Variants in RERE observed in about 807,000 individuals in gnomAD.
RERE encodes the protein arginine-glutamic acid dipeptide repeats, also known as arginine-glutamic acid dipeptide repeats protein.
Under a neutral mutation model 146.1 loss-of-function variants are expected in RERE, and 40 were observed. The observed-to-expected ratio is 0.27, with a 90% CI of 0.21 to 0.36. The LOEUF (loss-of-function observed/expected upper bound fraction) is 0.36, where lower values mean the gene tolerates loss of function less well. Among genes scored for constraint, RERE ranks in the 10% least tolerant of loss-of-function variants. The probability of loss-of-function intolerance (pLI) is 1.00; values close to 1 mark genes in which losing one functional copy is unlikely to be tolerated. For missense variants in RERE, 1,933 were observed against 2,138.7 expected, an observed-to-expected ratio of 0.90 and a Z score of 1.90; for synonymous variants, 1,003 against 866.0, an observed-to-expected ratio of 1.16 and a Z score of -2.78.
chr1:8,555,213 T>C (rs1645993251), intron 6 of RERE, among the ~76,000 whole-genome samples: 1 of 152,164 alleles, frequency 6.6e-6, no homozygotes, highest in Non-Finnish European at 1.5e-5. Flanking sequence ...TTTAAATGGC[T>C]GAAAAAGAAA....
At chr1:8,429,075 G>A (rs970196162) in intron 11 of RERE, among the ~76,000 whole-genome samples, 1 of 152,146 alleles carries the variant, frequency 6.6e-6, no homozygotes. Flanking sequence ...CACCACCCTA[G>A]AACAATAAAA....
intron 2 of RERE, among the ~76,000 whole-genome samples, chr1:8,629,089 A>G (rs899185541): frequency 2.0e-5 from 3 of 152,250 alleles, no homozygotes; most frequent in East Asian, 3.8e-4. Context: ...GCAAGTATAT[A>G]TATTTTTTAA....
chr1:8,669,771 C>T (rs1638672388), intron 1 of RERE, among the ~76,000 whole-genome samples: 1 of 152,122 alleles, frequency 6.6e-6, no homozygotes, highest in South Asian at 2.1e-4. Context: ...TTAAGTTGGA[C>T]AGGGTTTCTT....
In RERE at chr1:8,356,064, A is replaced by C. The variant is rs902086086; in HGVS notation, c.4486+36T>G. The C allele has an allele frequency of 2.7e-6, 4 of 1,461,580 alleles. No individual in the cohort carries two copies. The highest frequency in any genetic ancestry group is 2.7e-6 in the Non-Finnish European group (3 of 1,109,588). 90.5% of individuals were successfully genotyped at this position (1,461,580 alleles called of 1,614,324 possible). A position where few individuals can be genotyped will look rare whatever the true frequency, so the allele number is the denominator to read the frequency against. On this transcript the variant is annotated intron_variant, in intron 21 of 22. Transcript: ENST00000400908. The surrounding 1 kb of genome is among the most constrained non-coding windows in gnomAD (Gnocchi z 5.2). Reference sequence around the variant, plus strand: ...GACCAGACCCCAACCCAACCCTCACACGGCCTCCCCGCCCCTCCTGGAGGG... The same window carrying C: ...GACCAGACCCCAACCCAACCCTCACCCGGCCTCCCCGCCCCTCCTGGAGGG...
chr1:8,580,163 G>A (rs949391871), intron 4 of RERE, among the ~76,000 whole-genome samples: 6 of 152,172 alleles, frequency 3.9e-5, no homozygotes, highest in African/African-American at 1.2e-4. Flanking sequence ...CCCATCATGT[G>A]AGCCTATGTA....
At chr1:8,710,241 A>G (rs1639639211) in intron 1 of RERE, among the ~76,000 whole-genome samples, 1 of 152,214 alleles carries the variant, frequency 6.6e-6, no homozygotes, top group African/African-American at 2.4e-5. Context: ...CCAAATCAAA[A>G]TGTTCTTCCC....
chr1:8,801,253 C>T (rs140156928), intron 1 of RERE, among the ~76,000 whole-genome samples: 6 of 144,608 alleles, frequency 4.1e-5, no homozygotes, highest in Non-Finnish European at 9.0e-5. Flanking sequence ...AAACAAGACC[C>T]TGTCTCAAAA....
At chr1:8,584,445 T>C (rs886183369) in intron 4 of RERE, among the ~76,000 whole-genome samples, 1 of 151,714 alleles carries the variant, frequency 6.6e-6, no homozygotes, top group Admixed American at 6.6e-5. Context: ...TACTAGGGAG[T>C]ATGAGGCAGG....
In RERE at chr1:8,400,222, A is replaced by ATATGTGTG. The variant is rs368219880; in HGVS notation, c.1284+22504_1284+22505insCACACATA. 3.5e-3 allele frequency among the ~76,000 whole-genome samples: 489 copies of ATATGTGTG among 140,144 alleles called. 3 individuals carry two copies. Among genetic ancestry groups the ATATGTGTG allele is most frequent in the African/African-American group, 6.0e-3 (229 of 38,130 alleles). The allele number at this position is 140,144 out of a possible 152,430, so 91.9% of individuals were successfully genotyped here. A position where few individuals can be genotyped will look rare whatever the true frequency, so the allele number is the denominator to read the frequency against. On this transcript the variant is annotated intron_variant, in intron 12 of 22. Transcript: ENST00000400908. ...CTCTTCCTTTCCATTCCTGTGTCAT[A>ATATGTGTG]TGTGTGTGTGTGTGTGTGTGTGTGT... is the stretch of plus-strand genomic sequence containing the variant.
intron 4 of RERE, among the ~76,000 whole-genome samples, chr1:8,571,274 T>C (rs1468055592): frequency 6.6e-6 from 1 of 152,230 alleles, no homozygotes; most frequent in Non-Finnish European, 1.5e-5. Context: ...TCTTTTATAA[T>C]GACTAATATA....
chr1:8,507,556 A>ACAC (rs890947241), intron 8 of RERE, among the ~76,000 whole-genome samples: 6 of 149,946 alleles, frequency 4.0e-5, no homozygotes, highest in Admixed American at 2.0e-4. Context: ...TTACATGCGC[A>ACAC]CACCACCATG....
At chr1:8,806,522 A>T (rs563496457) in intron 1 of RERE, among the ~76,000 whole-genome samples, 7 of 152,000 alleles carry the variant, frequency 4.6e-5, no homozygotes, top group Middle Eastern at 6.8e-3. Flanking sequence ...CCATCTCAAA[A>T]AATAATAATA....
At chr1:8,490,807 T>C (rs2124217531) in intron 10 of RERE, among the ~76,000 whole-genome samples, 1 of 150,094 alleles carries the variant, frequency 6.7e-6, no homozygotes, top group Admixed American at 6.6e-5. Context: ...AAGCAGAAAA[T>C]GATTATAAGA....
chr1:8,522,189 G>A (rs1176266666), intron 7 of RERE, among the ~76,000 whole-genome samples: 1 of 152,208 alleles, frequency 6.6e-6, no homozygotes, highest in Non-Finnish European at 1.5e-5. Context: ...GCTCAGAAGA[G>A]ATGATAACTA....
At chr1:8,645,188 T>C (rs1647257215) in intron 2 of RERE, among the ~76,000 whole-genome samples, 1 of 152,208 alleles carries the variant, frequency 6.6e-6, no homozygotes, top group Non-Finnish European at 1.5e-5. Context: ...ACCCATGTTG[T>C]AGCTCCCTTA....
chr1:8,405,400 CATG>C (rs1166763533), intron 12 of RERE, among the ~76,000 whole-genome samples: 1 of 152,140 alleles, frequency 6.6e-6, no homozygotes, highest in Non-Finnish European at 1.5e-5. Flanking sequence ...TGGTTAATAA[CATG>C]ATATCTTTTA....
At chr1:8,503,601 T>C (rs1645210857) in intron 8 of RERE, among the ~76,000 whole-genome samples, 1 of 152,138 alleles carries the variant, frequency 6.6e-6, no homozygotes, top group African/African-American at 2.4e-5. Context: ...CACAAGAATA[T>C]ACTGTTAAAA....
intron 4 of RERE, among the ~76,000 whole-genome samples, chr1:8,582,221 G>GGT (rs1425999639): frequency 6.6e-6 from 1 of 151,950 alleles, no homozygotes; most frequent in Non-Finnish European, 1.5e-5. Context: ...AAAGAGAGAG[G>GGT]GTCTTGCTGT....
intron 11 of RERE, among the ~76,000 whole-genome samples, chr1:8,458,235 G>A (rs902807583): frequency 2.0e-5 from 3 of 152,116 alleles, no homozygotes; most frequent in African/African-American, 7.2e-5. Context: ...CTTGTGCCTT[G>A]TTCTCATTTT....
Sources: allele counts gnomAD v4.1 joint callset (sites outside exome capture counted in the v4.1 genomes callset), GRCh38; gene constraint gnomAD v4.1.1; non-coding constraint Gnocchi (gnomAD v3.1); transcripts MANE v1.5; gene names NCBI Gene and HGNC (gene_info 2026-07-23, HGNC 2026-07-21).